HSP90AA1: variants seen among roughly 807,000 people sequenced by gnomAD.
The protein encoded by HSP90AA1 is heat shock protein HSP 90-alpha.
In HSP90AA1, 18 loss-of-function variants were observed where a neutral mutation model predicts 73.3. That is an observed-to-expected ratio of 0.25 (90% confidence interval 0.17 to 0.36). The LOEUF (loss-of-function observed/expected upper bound fraction) is 0.36. Among genes scored for constraint, HSP90AA1 ranks in the 10% least tolerant of loss-of-function variants. HSP90AA1 has a pLI of 1.00. For synonymous variants in HSP90AA1, 477 were observed against 296.9 expected, an observed-to-expected ratio of 1.61 and a Z score of -6.24; for missense variants, 704 against 874.2, an observed-to-expected ratio of 0.81 and a Z score of 2.45.
At chr14:102,094,543 G>A (rs181505508) in intron 2 of HSP90AA1, among the ~76,000 whole-genome samples, 251 of 152,326 alleles carry the variant, frequency 1.6e-3, no homozygotes, top group African/African-American at 5.8e-3. Flanking sequence ...GGAAGGGCAT[G>A]CAGGAGAGGG....
At chr14:102,082,017 A>C in intron 10 of HSP90AA1, 94 bp downstream of exon 10, 2 of 899,896 alleles carry the variant, frequency 2.2e-6, no homozygotes, top group East Asian at 2.6e-5. Context: ...AAGCAGGACA[A>C]GGTGCTCCAA....
At chr14:102,136,447 T>A (rs2049995423) in intron 1 of HSP90AA1, among the ~76,000 whole-genome samples, 1 of 150,342 alleles carries the variant, frequency 6.7e-6, no homozygotes, top group African/African-American at 2.5e-5. Flanking sequence ...CACATGCCTG[T>A]AGTCCCAGCT....
At chr14:102,087,697 G>A (rs183687034), upstream of HSP90AA1, among the ~76,000 whole-genome samples, 8 of 152,300 alleles carry the variant, frequency 5.3e-5, no homozygotes, top group East Asian at 1.5e-3. Flanking sequence ...CTGCGCGCTC[G>A]GGGATTCTCC....
At chr14:102,116,829 G>A (rs180907161) in intron 1 of HSP90AA1, among the ~76,000 whole-genome samples, 84 of 152,200 alleles carry the variant, frequency 5.5e-4, no homozygotes, top group African/African-American at 2.0e-3. Context: ...GGCAGAAAGG[G>A]GCCCATTGAG....
intron 1 of HSP90AA1, among the ~76,000 whole-genome samples, chr14:102,127,776 C>T (rs6575896): frequency 0.086 from 13,012 of 152,076 alleles, 1,267 homozygotes; most frequent in African/African-American, 0.23. Flanking sequence ...CTCAGCCTCC[C>T]GAGTAGCTGG....
chr14:102,112,408 T>C (rs1320370646), intron 1 of HSP90AA1, among the ~76,000 whole-genome samples: 1 of 152,234 alleles, frequency 6.6e-6, no homozygotes, highest in African/African-American at 2.4e-5. Flanking sequence ...TCTCTTGACC[T>C]TATGATCTGC....
chr14:102,128,221 G>GT (rs1481905806), intron 1 of HSP90AA1, among the ~76,000 whole-genome samples: 9 of 152,284 alleles, frequency 5.9e-5, no homozygotes, highest in Admixed American at 4.6e-4. Context: ...GCTGGGCACG[G>GT]TGGCTCACAC....
chr14:102,133,223 T>G (rs1031793448), intron 1 of HSP90AA1, among the ~76,000 whole-genome samples: 7 of 152,054 alleles, frequency 4.6e-5, no homozygotes, highest in African/African-American at 1.7e-4. Context: ...GAGGTTGCAG[T>G]GAGCTGAGAT....
In HSP90AA1 at chr14:102,081,650, G is replaced by A. The variant is rs963863592; in HGVS notation, c.*62C>T. On this transcript the variant is annotated 3_prime_UTR_variant, in exon 11 of 11. Coordinates refer to ENST00000216281, the MANE Select transcript of HSP90AA1 (RefSeq NM_005348.4). ...AACAAAAATAAAGAAAAACATCCTT[G>A]AAAATATATTATCAGAGGAATTGTA... 7.3e-6 allele frequency: 6 copies of A among 821,754 alleles called. No homozygotes were observed. Among genetic ancestry groups the A allele is most frequent in the African/African-American group, 3.3e-5 (2 of 59,764 alleles). The allele number at this position is 821,754 out of a possible 1,614,324, so 50.9% of individuals were successfully genotyped here. A position where few individuals can be genotyped will look rare whatever the true frequency, so the allele number is the denominator to read the frequency against.
chr14:102,089,040 C>T (rs1430514099), upstream of HSP90AA1, among the ~76,000 whole-genome samples: 2 of 152,082 alleles, frequency 1.3e-5, no homozygotes, highest in Non-Finnish European at 2.9e-5. Context: ...CCTGCCTTAG[C>T]CTCCCGAGTA....
upstream of HSP90AA1, among the ~76,000 whole-genome samples, chr14:102,091,948 A>G (rs2049364197): frequency 6.6e-6 from 1 of 151,310 alleles, no homozygotes; most frequent in African/African-American, 2.4e-5. Flanking sequence ...ATTTTGATAC[A>G]TTTTCTCATT....
intron 1 of HSP90AA1, among the ~76,000 whole-genome samples, chr14:102,112,586 C>T (rs139246715): frequency 4.6e-5 from 7 of 152,220 alleles, no homozygotes; most frequent in Non-Finnish European, 5.9e-5. Context: ...TCAAGAGATC[C>T]TCCCACCTCA....
chr14:102,123,192 C>G (rs192047811), intron 1 of HSP90AA1, among the ~76,000 whole-genome samples: 1 of 151,620 alleles, frequency 6.6e-6, no homozygotes, highest in African/African-American at 2.4e-5. Flanking sequence ...GTCAGGAGTT[C>G]GAGACCAGCT....
At chr14:102,085,489 G>A (rs1244089089) in intron 3 of HSP90AA1, 58 bp from the exon 4 acceptor site, 11 of 1,480,744 alleles carry the variant, frequency 7.4e-6, no homozygotes, top group East Asian at 2.3e-5. Context: ...TCAACGCCAT[G>A]CCTAACACCC....
At chr14:102,115,136 G>GAA (rs71116882) in intron 1 of HSP90AA1, among the ~76,000 whole-genome samples, 291 of 145,228 alleles carry the variant, frequency 2.0e-3, no homozygotes, top group Middle Eastern at 3.6e-3. Flanking sequence ...CACAGAGCAA[G>GAA]AAAAAAAAAA....
In HSP90AA1 at chr14:102,082,168, G is replaced by A; in HGVS notation, c.2032C>T (p.Leu678=). The change falls in exon 10 of 11, where the codon CTG becomes TTG. Residue 678 remains leucine, a synonymous_variant. Coordinates refer to ENST00000216281, the MANE Select transcript of HSP90AA1 (RefSeq NM_005348.4). ...TTAGCATGTGTCTGGGGATCTTCCA[G>A]ACTGAAGCCAGAAGACAGGAGCGCA... ...ETALLSSGFS[L]EDPQTHANRI... 6.2e-7 allele frequency: 1 copy of A among 1,613,916 alleles called. No individual in the cohort carries two copies. The highest frequency in any genetic ancestry group is 8.5e-7 in the Non-Finnish European group (1 of 1,179,796).
At chr14:102,084,306 A>G (rs550108688) in intron 6 of HSP90AA1, 93 bp downstream of exon 6, 17 of 1,234,408 alleles carry the variant, frequency 1.4e-5, no homozygotes, top group Admixed American at 1.8e-5. Flanking sequence ...CCGGCCTCCC[A>G]AAGTGCTAGG....
At chr14:102,139,173 C>G in intron 1 of HSP90AA1, 1 of 1,531,248 alleles carries the variant, frequency 6.5e-7, no homozygotes, top group Non-Finnish European at 9.0e-7. Context: ...AACACCTATG[C>G]TGTACCACAT....
chr14:102,105,995 G>C (rs2049563075), intron 1 of HSP90AA1, among the ~76,000 whole-genome samples: 1 of 152,086 alleles, frequency 6.6e-6, no homozygotes, highest in Non-Finnish European at 1.5e-5. Context: ...AGAATTGCTT[G>C]AACCCATGAG....
Sources: gnomAD v4.1 joint callset for allele counts (sites outside exome capture counted in the v4.1 genomes callset) on GRCh38, gnomAD v4.1.1 for gene constraint, MANE v1.5 for transcripts, NCBI Gene and HGNC (gene_info 2026-07-23, HGNC 2026-07-21) for gene names.